Variants in KHDRBS2 observed in about 807,000 individuals in gnomAD.
The protein encoded by KHDRBS2 is KH domain-containing, RNA-binding, signal transduction-associated protein 2.
KHDRBS2 carries 26 observed loss-of-function variants against 44.3 expected under a neutral mutation model. That is an observed-to-expected ratio of 0.59 (90% confidence interval 0.43 to 0.81). KHDRBS2 has a LOEUF of 0.81. KHDRBS2 is among the 40% of genes least tolerant of loss of function. The pLI, the probability that KHDRBS2 is intolerant of heterozygous loss-of-function variation, is 0.00. For synonymous variants in KHDRBS2, 194 were observed against 151.1 expected (o/e 1.28, Z -2.08); for missense variants, 476 against 433.1 (o/e 1.10, Z -0.88).
chr6:62,203,860 G>A (rs557879775), intron 1 of KHDRBS2, among the ~76,000 whole-genome samples: 1 of 152,102 alleles, frequency 6.6e-6, no homozygotes, highest in African/African-American at 2.4e-5. Flanking sequence ...CCAAATTCTG[G>A]AAGGCCTAAT....
At chr6:62,108,052 A>C (rs1213307550) in intron 2 of KHDRBS2, among the ~76,000 whole-genome samples, 8 of 152,208 alleles carry the variant, frequency 5.3e-5, no homozygotes, top group African/African-American at 1.4e-4. Context: ...TTCATGTCTA[A>C]AACACCAAAA....
intron 6 of KHDRBS2, among the ~76,000 whole-genome samples, chr6:61,855,486 A>T (rs1320181561): frequency 1.0e-5 from 1 of 96,344 alleles, no homozygotes; most frequent in African/African-American, 3.9e-5. Context: ...ATGTGTGTGT[A>T]TATGTATATA....
intron 7 of KHDRBS2, among the ~76,000 whole-genome samples, chr6:61,698,914 T>C (rs922200427): frequency 2.0e-5 from 3 of 152,114 alleles, no homozygotes; most frequent in African/African-American, 7.2e-5. Flanking sequence ...ATTTCCCTGA[T>C]CAGTCTATTT....
At chr6:61,706,132 C>G (rs1303739963) in intron 7 of KHDRBS2, among the ~76,000 whole-genome samples, 1 of 151,810 alleles carries the variant, frequency 6.6e-6, no homozygotes, top group Non-Finnish European at 1.5e-5. Context: ...AATCCTCATC[C>G]AACAACTCAT....
the KHDRBS2 span, among the ~76,000 whole-genome samples, chr6:61,670,285 A>G: frequency 3.3e-5 from 5 of 151,448 alleles, no homozygotes; most frequent in Middle Eastern, 3.2e-3. Context: ...AAACAAAAAA[A>G]TCTTTAAAAA....
intron 4 of KHDRBS2, among the ~76,000 whole-genome samples, chr6:61,913,099 T>C (rs919223039): frequency 3.9e-5 from 6 of 152,098 alleles, no homozygotes; most frequent in Non-Finnish European, 8.8e-5. Flanking sequence ...CCTTTCCTTA[T>C]TCGTTTTTAA....
Position 61,978,161 on chromosome 6 carries a change from C to T in KHDRBS2, c.388G>A (p.Glu130Lys), listed in dbSNP as rs751366732. Reference protein sequence around the residue: ...GEAKYAHLSDELHVLIEVFAP... With the variant: ...GEAKYAHLSDKLHVLIEVFAP... ...AACACTTCAATTAATACATGAAGCT[C>T]ATCACTCAAGTGGGCATATTTGGCT... is the stretch of plus-strand genomic sequence containing the variant. The change falls in exon 4 of 9, where the codon GAG becomes AAG. Residue 130 changes from glutamate to lysine, a missense_variant. Glu to Lys is a moderately conservative substitution (Grantham distance 56). Coordinates refer to ENST00000281156, the MANE Select transcript of KHDRBS2 (RefSeq NM_152688.4). The T allele has an allele frequency of 6.2e-7, 1 of 1,611,640 alleles. No homozygotes were observed.
intron 6 of KHDRBS2, among the ~76,000 whole-genome samples, chr6:61,799,297 C>A (rs929659703): frequency 2.0e-5 from 3 of 151,944 alleles, no homozygotes; most frequent in Non-Finnish European, 4.4e-5. Context: ...CAGATTCCTA[C>A]TGTTCTGACC....
chr6:62,255,640 AC>A (rs1837268693), intron 1 of KHDRBS2, among the ~76,000 whole-genome samples: 2 of 149,376 alleles, frequency 1.3e-5, no homozygotes, highest in African/African-American at 2.5e-5. Flanking sequence ...ACACACACAC[AC>A]ACACACACAC....
chr6:61,820,041 G>A (rs527915795), intron 6 of KHDRBS2, among the ~76,000 whole-genome samples: 1 of 152,058 alleles, frequency 6.6e-6, no homozygotes, highest in Non-Finnish European at 1.5e-5. Context: ...ACTAGAAAGT[G>A]GTAAAGCCAA....
the KHDRBS2 span, among the ~76,000 whole-genome samples, chr6:61,596,141 G>A: frequency 6.6e-6 from 1 of 152,098 alleles, no homozygotes; most frequent in African/African-American, 2.4e-5. Context: ...GAATCCAGAG[G>A]CTCAAAAACA....
chr6:61,823,191 C>A (rs1562249740), intron 6 of KHDRBS2, among the ~76,000 whole-genome samples: 1 of 151,930 alleles, frequency 6.6e-6, no homozygotes, highest in Admixed American at 6.6e-5. Context: ...CCACCACAAC[C>A]AAGGAAGGAG....
At chr6:62,211,905 C>T (rs1829114672) in intron 1 of KHDRBS2, among the ~76,000 whole-genome samples, 1 of 152,146 alleles carries the variant, frequency 6.6e-6, no homozygotes, top group African/African-American at 2.4e-5. Context: ...TGGAATCAAC[C>T]TAAATGTCCA....
the KHDRBS2 span, among the ~76,000 whole-genome samples, chr6:61,588,861 A>G: frequency 1.3e-5 from 2 of 152,224 alleles, no homozygotes; most frequent in East Asian, 1.9e-4. Flanking sequence ...TGTGGCACAT[A>G]TAAACCATGG....
intron 3 of KHDRBS2, among the ~76,000 whole-genome samples, chr6:62,044,890 T>C (rs1276268629): frequency 6.6e-6 from 1 of 152,128 alleles, no homozygotes; most frequent in African/African-American, 2.4e-5. Flanking sequence ...TTTGTCAACA[T>C]ACATACCCAT....
At chr6:61,836,742 C>T (rs569639656) in intron 6 of KHDRBS2, among the ~76,000 whole-genome samples, 1 of 98,808 alleles carries the variant, frequency 1.0e-5, no homozygotes, top group Non-Finnish European at 2.1e-5. Flanking sequence ...AGTGTTACAC[C>T]TATTAGGTAG....
At chr6:61,647,855 T>C in the KHDRBS2 span, among the ~76,000 whole-genome samples, 1 of 152,264 alleles carries the variant, frequency 6.6e-6, no homozygotes, top group African/African-American at 2.4e-5. Flanking sequence ...GTAAATGCCA[T>C]GATGTAGAGG....
At chr6:61,560,660 T>C in the KHDRBS2 span, among the ~76,000 whole-genome samples, 1 of 152,168 alleles carries the variant, frequency 6.6e-6, no homozygotes, top group African/African-American at 2.4e-5. Flanking sequence ...GCTTGATTCT[T>C]TTTAGTGTTT....
At chr6:61,668,463 A>G in the KHDRBS2 span, among the ~76,000 whole-genome samples, 3 of 151,222 alleles carry the variant, frequency 2.0e-5, no homozygotes, top group South Asian at 6.2e-4. Flanking sequence ...TAATGGTCTA[A>G]GAAAGTAATT....
Sources: allele counts gnomAD v4.1 joint callset (sites outside exome capture counted in the v4.1 genomes callset), GRCh38; gene constraint gnomAD v4.1.1; transcripts MANE v1.5; gene names NCBI Gene and HGNC (gene_info 2026-07-23, HGNC 2026-07-21).